Variants in WDR27 observed in about 807,000 individuals in gnomAD.
WDR27 encodes the protein WD repeat domain 27.
WDR27 carries 100 observed loss-of-function variants against 114.4 expected under a neutral mutation model. That is an observed-to-expected ratio of 0.87 (90% confidence interval 0.74 to 1.03). WDR27 has a LOEUF of 1.03. WDR27 is among the 50% of genes least tolerant of loss of function. The pLI is 0.00. For missense variants in WDR27, 1,129 were observed against 1,092.9 expected (o/e 1.03, Z -0.47); for synonymous variants, 449 against 423.1 (o/e 1.06, Z -0.75).
chr6:169,481,464 C>T (rs1033674683), intron 25 of WDR27, among the ~76,000 whole-genome samples: 1 of 152,236 alleles, frequency 6.6e-6, no homozygotes, highest in Non-Finnish European at 1.5e-5. Flanking sequence ...CCCTTCCACG[C>T]TGTGGAAACC....
intron 25 of WDR27, among the ~76,000 whole-genome samples, chr6:169,509,688 C>T (rs1469930302): frequency 6.6e-6 from 1 of 151,850 alleles, no homozygotes; most frequent in African/African-American, 2.4e-5. Context: ...TAGAAGAAAA[C>T]CTAGGCAATA....
At chr6:169,488,092 T>G (rs548444485) in intron 25 of WDR27, among the ~76,000 whole-genome samples, 2 of 152,318 alleles carry the variant, frequency 1.3e-5, no homozygotes, top group Admixed American at 6.5e-5. Context: ...CCTTAGAGAT[T>G]TCCCCATTTA....
intron 25 of WDR27, among the ~76,000 whole-genome samples, chr6:169,520,740 C>T (rs1404724862): frequency 6.6e-6 from 1 of 151,286 alleles, no homozygotes; most frequent in African/African-American, 2.4e-5. Flanking sequence ...ATTTGCTGAA[C>T]TGAAAAAAAT....
At chr6:169,689,914 T>C (rs1387656620) in intron 1 of WDR27, among the ~76,000 whole-genome samples, 1 of 152,202 alleles carries the variant, frequency 6.6e-6, no homozygotes, top group African/African-American at 2.4e-5. Flanking sequence ...CATGTGGCGC[T>C]CATGCTGGTC....
intron 25 of WDR27, chr6:169,558,834 A>C (rs1436841322): frequency 6.6e-6 from 1 of 152,230 alleles, no homozygotes; most frequent in East Asian, 1.9e-4. Flanking sequence ...TCCAGAGTCC[A>C]TGAGCCATAA....
intron 21 of WDR27, among the ~76,000 whole-genome samples, chr6:169,619,661 C>T (rs1039586274): frequency 2.0e-5 from 3 of 152,120 alleles, no homozygotes; most frequent in Non-Finnish European, 4.4e-5. Context: ...GGTTGAGTTT[C>T]TCTGAAGACC....
At chr6:169,660,591 C>T (rs1825796430) in intron 10 of WDR27, 72 bp downstream of exon 10, 1 of 1,316,948 alleles carries the variant, frequency 7.6e-7, no homozygotes, top group South Asian at 1.2e-5. Flanking sequence ...TCTCCACAAA[C>T]ACTTACACTA....
rs192167835 is a variant in WDR27 at position 169,533,428 on chromosome 6, A to C, written c.2645+38991T>G. Reference sequence around the variant, plus strand: ...TGCATGGAAATAACAAAAGTGACTAAATAGAAAACAATGGAGAATGTATTT... The same window carrying C: ...TGCATGGAAATAACAAAAGTGACTACATAGAAAACAATGGAGAATGTATTT... On this transcript the variant is annotated intron_variant, in intron 25 of 25. Coordinates refer to ENST00000448612, the MANE Select transcript of WDR27 (RefSeq NM_182552.5). Among the ~76,000 whole-genome samples the C allele has an allele frequency of 8.5e-5, 13 of 152,308 alleles. No homozygotes were observed. In the East Asian group the frequency reaches 2.5e-3, roughly 29 times the overall value.
rs367717354 is a variant in WDR27, at chr6:169,649,224, A to T, written c.1533T>A (p.Ser511=). ...GTGCGCAGCTGCTCCTGCTCCTTGA[A>T]GATCCTTTCCCCTCACTCTTGATGT... ...KTNIKSEGKG[S]SRSRSSCARE... The change falls in exon 15 of 26, where the codon TCT becomes TCA. Residue 511 remains serine (S), a synonymous_variant. Coordinates refer to ENST00000448612, the MANE Select transcript of WDR27 (RefSeq NM_182552.5). 2 of 1,577,832 alleles carry T rather than the reference A, an allele frequency of 1.3e-6. No homozygotes were observed. The highest frequency in any genetic ancestry group is 1.7e-6 in the Non-Finnish European group (2 of 1,161,066).
intron 25 of WDR27, among the ~76,000 whole-genome samples, chr6:169,484,720 T>C (rs1788655342): frequency 1.3e-5 from 2 of 152,142 alleles, no homozygotes; most frequent in Non-Finnish European, 2.9e-5. Context: ...GCCAAGGCAA[T>C]CCTAAGCAAA....
chr6:169,515,264 C>A (rs962076327), intron 25 of WDR27, among the ~76,000 whole-genome samples: 1 of 152,008 alleles, frequency 6.6e-6, no homozygotes, highest in African/African-American at 2.4e-5. Flanking sequence ...AGACCCGGGG[C>A]AGTCTTACAA....
rs773458147 is a variant in WDR27 at position 169,576,496 on chromosome 6, T to C, written c.2524-3956A>G. ...TTTTCAGACCAGGCATGGTGGCATA[T>C]AGACCTGTAGTCCCAGCACTTTGGG... On this transcript the variant is annotated intron_variant, in intron 24 of 25. Transcript: ENST00000448612. Among the ~76,000 whole-genome samples, 19 of 152,216 alleles carry C rather than the reference T, an allele frequency of 1.2e-4. 1 individual carries two copies. The highest frequency in any genetic ancestry group is 2.6e-4 in the Non-Finnish European group (18 of 68,040).
chr6:169,619,998 T>C (rs1365592106), intron 21 of WDR27, among the ~76,000 whole-genome samples: 1 of 152,208 alleles, frequency 6.6e-6, no homozygotes, highest in African/African-American at 2.4e-5. Flanking sequence ...TTTTCTTCCT[T>C]GTCTTGTAAT....
chr6:169,667,020 T>G, intron 6 of WDR27, 116 bp downstream of exon 6: 3 of 1,302,354 alleles, frequency 2.3e-6, no homozygotes, highest in Non-Finnish European at 2.9e-6. Context: ...AGTCTGAGAT[T>G]GCCTCATTCA....
Position 169,659,053 on chromosome 6 carries a change from C to A in WDR27, c.1319+33G>T, listed in dbSNP as rs747781686. The A allele has an allele frequency of 1.3e-6, 2 of 1,512,016 alleles. No homozygotes were observed. Among genetic ancestry groups the A allele is most frequent in the South Asian group, 1.3e-5 (1 of 75,158 alleles). 93.7% of individuals were successfully genotyped at this position (1,512,016 alleles called of 1,614,324 possible). ...TCCAGATGGCACTTATTGGTGAACA[C>A]ACACACACACTCCACACTTGAAGAC... On this transcript the variant is annotated intron_variant, in intron 12 of 25. Transcript: ENST00000448612. The surrounding 1 kb of genome is among the most constrained non-coding windows in gnomAD (Gnocchi z 4.3).
the WDR27 span, among the ~76,000 whole-genome samples, chr6:169,441,622 A>C: frequency 6.6e-6 from 1 of 152,232 alleles, no homozygotes. Flanking sequence ...GGAGATGCTG[A>C]AACAAACTCC....
chr6:169,537,164 G>A (rs1162777399), intron 25 of WDR27, among the ~76,000 whole-genome samples: 1 of 152,156 alleles, frequency 6.6e-6, no homozygotes, highest in African/African-American at 2.4e-5. Flanking sequence ...TAGTGGTTGA[G>A]AGGGAGGAAT....
chr6:169,677,782 C>T (rs1267051505), intron 2 of WDR27, among the ~76,000 whole-genome samples: 1 of 152,270 alleles, frequency 6.6e-6, no homozygotes, highest in African/African-American at 2.4e-5. Flanking sequence ...AGCCTCAGGA[C>T]ACTGCTCCCG....
At chr6:169,641,992 T>A (rs1819307496) in intron 17 of WDR27, among the ~76,000 whole-genome samples, 1 of 152,168 alleles carries the variant, frequency 6.6e-6, no homozygotes, top group Non-Finnish European at 1.5e-5. Flanking sequence ...ATAGGAAAAA[T>A]TCTGAAATCT....
Sources: allele counts gnomAD v4.1 joint callset (sites outside exome capture counted in the v4.1 genomes callset), GRCh38; gene constraint gnomAD v4.1.1; non-coding constraint Gnocchi (gnomAD v3.1); transcripts MANE v1.5; gene names NCBI Gene and HGNC (gene_info 2026-07-23, HGNC 2026-07-21).